The following ATP13A2 variants were observed in gnomAD, a reference collection of about 807,000 sequenced individuals.
The protein encoded by ATP13A2 is ATPase cation transporting 13A2, also known as polyamine-transporting ATPase 13A2.
A neutral mutation model predicts 138.3 loss-of-function variants in ATP13A2; 83 were observed. The observed-to-expected ratio is 0.60, with a 90% CI of 0.50 to 0.72. ATP13A2 has a LOEUF of 0.72. ATP13A2 is among the 30% of genes least tolerant of loss of function. ATP13A2 has a pLI of 0.00. For missense variants in ATP13A2, 1,402 were observed against 1,606.4 expected, an observed-to-expected ratio of 0.87 and a Z score of 2.17; for synonymous variants, 663 against 699.0, an observed-to-expected ratio of 0.95 and a Z score of 0.81.
At chr1:16,991,285 A>G (rs1570788952) in intron 20 of ATP13A2, among the ~76,000 whole-genome samples, 1 of 151,420 alleles carries the variant, frequency 6.6e-6, no homozygotes. Flanking sequence ...GAGTTTTGCC[A>G]TGTTGCCCAG....
Position 16,987,100 on chromosome 1 carries a change from A to C in ATP13A2, c.3029T>G (p.Val1010Gly). ...PVLSSLLLQM[V>G]LVTGVQLGGY... ...CCCTAGCTGCACGCCGGTCACCAGG[A>C]CCATCTGCAGCAGCAGGCTGCTGAG... is the stretch of plus-strand genomic sequence containing the variant. The change falls in exon 26 of 29, where the codon GTC becomes GGC. Residue 1010 changes from valine (V) to glycine (G), a missense_variant. By Grantham distance (109) the Val-to-Gly change is moderately radical (BLOSUM62 -3). Coordinates refer to ENST00000326735, the MANE Select transcript of ATP13A2 (RefSeq NM_022089.4). The C allele has an allele frequency of 6.2e-7, 1 of 1,613,356 alleles. No homozygotes were observed.
chr1:16,997,141 C>A lies in ATP13A2; in HGVS notation c.1074G>T (p.Pro358=). The change falls in exon 12 of 29, where the codon CCG becomes CCT. Residue 358 remains proline (P), a synonymous_variant. Transcript: ENST00000326735. The part of the protein sequence containing the change: ...ESIPVLKTAL[P]EGLGPYCAET... ...CTGCACAGTAGGGCCCCAGCCCCTC[C>A]GGCAGTGCCGTCTTCAGCACTGGAA... 6.2e-7 allele frequency: 1 copy of A among 1,613,722 alleles called. No individual in the cohort carries two copies. The highest frequency in any genetic ancestry group is 8.5e-7 in the Non-Finnish European group (1 of 1,180,036).
rs1557666781 is a variant in ATP13A2, at chr1:16,986,904, C to T, written c.3136G>A (p.Glu1046Lys). Reference sequence around the variant, plus strand: ...GACAGAGAGAAGACCACGGTGTTCTCGTAGTTGGGCAGGTTGTCTGGTGCG... The same window carrying T: ...GACAGAGAGAAGACCACGGTGTTCTTGTAGTTGGGCAGGTTGTCTGGTGCG... ...VAAPDNLPNY[E>K]NTVVFSLSSF... Residue 1046 changes from glutamate (E) to lysine (K), a missense_variant, in exon 27 of 29, where the codon GAG becomes AAG. Physicochemically the swap from Glu to Lys is moderately conservative, Grantham distance 56. Transcript: ENST00000326735. This position sits in a 1 kb window ranked among gnomAD's most constrained non-coding sequence, Gnocchi z 6.9. 1.2e-6 allele frequency: 2 copies of T among 1,613,648 alleles called. No individual in the cohort carries two copies. The highest frequency in any genetic ancestry group is 1.7e-6 in the Non-Finnish European group (2 of 1,179,972).
chr1:16,993,500 G>A (rs915821402), intron 16 of ATP13A2, 129 bp downstream of exon 16: 9 of 966,466 alleles, frequency 9.3e-6, no homozygotes, highest in Non-Finnish European at 1.4e-5. Context: ...GAGCCACTGC[G>A]CCTGGCCTAT....
chr1:17,000,194 G>GGGGGCCCCCCCCCCCCC, intron 10 of ATP13A2, 52 bp from the exon 11 acceptor site: 1 of 1,570,254 alleles, frequency 6.4e-7, no homozygotes, highest in Non-Finnish European at 8.7e-7. Context: ...CCCCAGCCAT[G>GGGGGCCCCCCCCCCCCC]CCCCCCCACC....
rs1378970280 is a variant in ATP13A2, at chr1:16,992,125, G to A, written c.2010C>T (p.Pro670=). The part of the protein sequence containing the change: ...VAGLCNPETV[P]TDFAQMLQSY... ...TCTGCAGCATCTGGGCGAAGTCGGTGGGCACTGCCAGGGAGAGGCAGGTGT... is the reference window on the plus strand; with the variant it reads ...TCTGCAGCATCTGGGCGAAGTCGGTAGGCACTGCCAGGGAGAGGCAGGTGT... The change falls in exon 19 of 29, where the codon CCC becomes CCT. Residue 670 remains proline, a synonymous_variant. Coordinates refer to ENST00000326735, the MANE Select transcript of ATP13A2 (RefSeq NM_022089.4). 1 of 1,613,206 alleles carries A rather than the reference G, an allele frequency of 6.2e-7. No homozygotes were observed. Among genetic ancestry groups the A allele is most frequent in the East Asian group, 2.2e-5 (1 of 44,846 alleles).
intron 11 of ATP13A2, among the ~76,000 whole-genome samples, 159 bp downstream of exon 11, chr1:16,999,852 G>A (rs1056928109): frequency 8.5e-5 from 13 of 152,174 alleles, no homozygotes; most frequent in African/African-American, 3.1e-4. Context: ...AGTGAGCTGA[G>A]ATCATGTCAC....
At chr1:16,996,643 C>T (rs2100901963) in intron 12 of ATP13A2, 147 bp from the exon 13 acceptor site, 1 of 683,616 alleles carries the variant, frequency 1.5e-6, no homozygotes, top group South Asian at 1.8e-5. Context: ...CCTAACAGGT[C>T]TGGCCCGGCT....
At position 17,000,471 on chromosome 1, in the gene ATP13A2, A is replaced by G. The variant is rs370403918; in HGVS notation, c.769T>C (p.Tyr257His). 1.2e-5 allele frequency: 19 copies of G among 1,613,982 alleles called. No homozygotes were observed. Among genetic ancestry groups the G allele is most frequent in the Non-Finnish European group, 1.6e-5 (19 of 1,180,004 alleles). The change falls in exon 9 of 29, where the codon TAC becomes CAC. Residue 257 changes from tyrosine (Y) to histidine (H), a missense_variant. Physicochemically the swap from Tyr to His is moderately conservative, Grantham distance 83. Transcript: ENST00000326735. The stretch of plus-strand genomic sequence containing the variant: ...AGGAAGATGCACAGGGCGTACCAGT[A>G]GTAGTGGTCAGCCAGCCACAGCGCG... ...SIALWLADHY[Y>H]WYALCIFLIS...
At chr1:16,996,522 GCAGGGAAGC>G in intron 12 of ATP13A2, 26 bp from the exon 13 acceptor site, 1 of 1,601,826 alleles carries the variant, frequency 6.2e-7, no homozygotes, top group Non-Finnish European at 8.6e-7. Context: ...GGACCCCAAG[GCAGGGAAGC>G]CAGGGTGAGG....
In ATP13A2 at chr1:16,988,397, G is replaced by A; in HGVS notation, c.2687C>T (p.Ser896Phe). Residue 896 changes from serine to phenylalanine, a missense_variant, in exon 24 of 29, where the codon TCC (serine) becomes TTC (phenylalanine). Physicochemically the swap from Ser to Phe is radical, Grantham distance 155. Coordinates refer to ENST00000326735, the MANE Select transcript of ATP13A2 (RefSeq NM_022089.4). ...TGAGACCACTGAGGCTTCTGCCTGG[G>A]ACAGCGAGATGCCGACATCAGCCGC... Reference protein sequence around the residue: ...LKAADVGISLSQAEASVVSPF... With the variant: ...LKAADVGISLFQAEASVVSPF... The A allele has an allele frequency of 6.2e-7, 1 of 1,614,058 alleles. No homozygotes were observed. Among genetic ancestry groups the A allele is most frequent in the Non-Finnish European group, 8.5e-7 (1 of 1,180,036 alleles).
intron 11 of ATP13A2, among the ~76,000 whole-genome samples, chr1:16,997,626 G>C (rs2077190366): frequency 6.6e-6 from 1 of 152,144 alleles, no homozygotes; most frequent in South Asian, 2.1e-4. Context: ...CAGATCACTT[G>C]AGGCCAGGAG....
Position 16,986,815 on chromosome 1 carries a change from G to A in ATP13A2, c.3225C>T (p.Leu1075=), listed in dbSNP as rs1423139551. The change falls in exon 27 of 29, where the codon CTC becomes CTT. Residue 1075 remains leucine, a synonymous_variant. Transcript: ENST00000326735. This position sits in a 1 kb window ranked among gnomAD's most constrained non-coding sequence, Gnocchi z 6.9. ...CGCCCGCAGTGGCACCATTGGTGTAGAGCGGCCGGCGGAAGGGCGCCCCCT... is the reference window on the plus strand; with the variant it reads ...CGCCCGCAGTGGCACCATTGGTGTAAAGCGGCCGGCGGAAGGGCGCCCCCT... ...VSKGAPFRRP[L]YTNVPFLVAL... is the part of the protein sequence containing the mutation. The A allele has an allele frequency of 1.9e-6, 3 of 1,613,164 alleles. No individual in the cohort carries two copies. The highest frequency in any genetic ancestry group is 2.5e-6 in the Non-Finnish European group (3 of 1,179,838).
At chr1:17,008,939 G>A (rs573817850) in intron 1 of ATP13A2, among the ~76,000 whole-genome samples, 274 of 147,528 alleles carry the variant, frequency 1.9e-3, no homozygotes, top group African/African-American at 6.6e-3. Flanking sequence ...ACTCCAGCCA[G>A]GGTGACAGAG....
At position 16,991,045 on chromosome 1, in the gene ATP13A2, G is replaced by C. The variant is rs187540826; in HGVS notation, c.2251+689C>G. Among the ~76,000 whole-genome samples, 49 of 151,648 alleles carry C rather than the reference G, an allele frequency of 3.2e-4. 1 individual carries two copies. In the East Asian group the frequency reaches 6.6e-3, roughly 20 times the overall value. On this transcript the variant is annotated intron_variant, in intron 20 of 28. Coordinates refer to ENST00000326735, the MANE Select transcript of ATP13A2 (RefSeq NM_022089.4). ...GCTCACTGCAACCTCCACCTCCCGG[G>C]TTGAAGTGATTCTCCTGCCTCAGCC...
chr1:16,988,282 C>A (rs1229327983), intron 24 of ATP13A2, 40 bp downstream of exon 24: 1 of 1,614,186 alleles, frequency 6.2e-7, no homozygotes, highest in South Asian at 1.1e-5. Flanking sequence ...GGCTGACCAG[C>A]CCTGCTGAGC....
rs770121912 is a variant in ATP13A2 at position 17,004,391 on chromosome 1, G to A, written c.498C>T (p.Tyr166=). 5.6e-6 allele frequency: 9 copies of A among 1,614,082 alleles called. No homozygotes were observed. The Admixed American group carries it at 1.5e-4, about 27-fold the overall frequency. The change falls in exon 6 of 29, where the codon TAC becomes TAT. Residue 166 remains tyrosine (Y), a synonymous_variant. Transcript: ENST00000326735. This position sits in a 1 kb window ranked among gnomAD's most constrained non-coding sequence, Gnocchi z 4.1. ...SVGQKRVLRY[Y]LFQGQRYIWI... ...AGATATAGCGCTGGCCCTGGAAGAG[G>A]TAATACCGCAGCACCCGCTTCTGGG... is the stretch of plus-strand genomic sequence containing the variant.
intron 3 of ATP13A2, 41 bp from the exon 4 acceptor site, chr1:17,005,113 C>T (rs2077503330): frequency 1.2e-6 from 2 of 1,609,230 alleles, no homozygotes; most frequent in African/African-American, 1.3e-5. Flanking sequence ...GAAGAGTCCC[C>T]TCCCCTCCCA....
rs538848816 is a variant in ATP13A2 at position 16,988,521 on chromosome 1, C to A, written c.2610-47G>T. 3.1e-6 allele frequency: 5 copies of A among 1,611,662 alleles called. No homozygotes were observed. The African/African-American group carries it at 5.3e-5, about 17-fold the overall frequency. On this transcript the variant is annotated intron_variant, in intron 23 of 28. Coordinates refer to ENST00000326735, the MANE Select transcript of ATP13A2 (RefSeq NM_022089.4). ...TGTGGCCTGGGGAATTACCCCACCA[C>A]CCCATGGGTGGGCTGGCAGAATATG...
Sources: allele counts gnomAD v4.1 joint callset (sites outside exome capture counted in the v4.1 genomes callset), GRCh38; gene constraint gnomAD v4.1.1; non-coding constraint Gnocchi (gnomAD v3.1); transcripts MANE v1.5; gene names NCBI Gene and HGNC (gene_info 2026-07-23, HGNC 2026-07-21).